The following MLLT10 variants were observed in gnomAD, a reference collection of about 807,000 sequenced individuals.
MLLT10 encodes the protein protein AF-10.
In MLLT10, 30 loss-of-function variants were observed where a neutral mutation model predicts 129.1. The ratio of observed to expected loss-of-function variants is 0.23; its 90% CI spans 0.17 to 0.32. The LOEUF is 0.32. Among genes scored for constraint, MLLT10 ranks in the 10% least tolerant of loss-of-function variants. MLLT10 has a pLI of 1.00. For missense variants in MLLT10, 1,119 were observed against 1,268.3 expected (o/e 0.88, Z 1.79); for synonymous variants, 490 against 446.4 (o/e 1.10, Z -1.23).
At chr10:21,713,081 G>T (rs2056248866) in intron 13 of MLLT10, among the ~76,000 whole-genome samples, 1 of 152,042 alleles carries the variant, frequency 6.6e-6, no homozygotes, top group African/African-American at 2.4e-5. Context: ...TTCACCTCCT[G>T]TGTTCTCTGG....
chr10:21,639,307 A>T (rs1407872449), intron 8 of MLLT10, among the ~76,000 whole-genome samples: 1 of 152,166 alleles, frequency 6.6e-6, no homozygotes, highest in Non-Finnish European at 1.5e-5. Flanking sequence ...AGATGGCATC[A>T]GATTACACAG....
At chr10:21,618,389 G>A (rs1257371595) in intron 8 of MLLT10, among the ~76,000 whole-genome samples, 2 of 151,716 alleles carry the variant, frequency 1.3e-5, no homozygotes, top group African/African-American at 4.8e-5. Flanking sequence ...TGTAATCCCA[G>A]CTACTCAGGA....
intron 9 of MLLT10, among the ~76,000 whole-genome samples, chr10:21,654,493 G>T (rs745399807): frequency 1.3e-5 from 2 of 152,088 alleles, no homozygotes; most frequent in Non-Finnish European, 2.9e-5. Flanking sequence ...TAGTTGTGAC[G>T]ATTTGAGGAG....
At chr10:21,574,538 A>G (rs1240822834) in intron 3 of MLLT10, among the ~76,000 whole-genome samples, 1 of 152,204 alleles carries the variant, frequency 6.6e-6, no homozygotes, top group Non-Finnish European at 1.5e-5. Flanking sequence ...AAGGAATAAA[A>G]GAATGGCTAC....
chr10:21,584,869 CGTGT>C (rs149130337), intron 3 of MLLT10, among the ~76,000 whole-genome samples: 40 of 148,440 alleles, frequency 2.7e-4, no homozygotes, highest in African/African-American at 7.7e-4. Context: ...TGTGTATGTA[CGTGT>C]GTGTGTGTGT....
intron 8 of MLLT10, among the ~76,000 whole-genome samples, chr10:21,645,392 T>C (rs1288230389): frequency 6.6e-6 from 1 of 152,244 alleles, no homozygotes; most frequent in East Asian, 1.9e-4. Flanking sequence ...GATCCATGTT[T>C]ACTTAAAATT....
chr10:21,733,591 A>G lies in MLLT10; in HGVS notation c.2495A>G (p.Gln832Arg). Residue 832 changes from glutamine to arginine, a missense_variant and splice_region_variant, in exon 19 of 23, where the codon CAG becomes CGG. Transcript: ENST00000307729. ...LPDNSLPVLNQDLTSSGQSTS... is the reference protein window; with the variant it reads ...LPDNSLPVLNRDLTSSGQSTS... The stretch of plus-strand genomic sequence containing the variant: ...GATAATTCTCTTCCTGTATTAAATC[A>G]GGTAATTTTTGTATGGTTATTTTCA... The G allele has an allele frequency of 6.5e-7, 1 of 1,549,156 alleles. No individual in the cohort carries two copies. Among genetic ancestry groups the G allele is most frequent in the South Asian group, 1.2e-5 (1 of 81,166 alleles).
chr10:21,685,821 A>G (rs1157594003), intron 13 of MLLT10, among the ~76,000 whole-genome samples: 2 of 152,248 alleles, frequency 1.3e-5, no homozygotes, highest in Non-Finnish European at 2.9e-5. Flanking sequence ...AAGAATATAT[A>G]TGGAACTTAT....
intron 13 of MLLT10, among the ~76,000 whole-genome samples, chr10:21,706,708 T>C (rs963657955): frequency 6.6e-6 from 1 of 152,250 alleles, no homozygotes; most frequent in African/African-American, 2.4e-5. Flanking sequence ...TTATTATTTC[T>C]GTCATTAGAC....
intron 9 of MLLT10, among the ~76,000 whole-genome samples, chr10:21,655,908 A>G (rs1165346892): frequency 6.6e-6 from 1 of 152,192 alleles, no homozygotes; most frequent in African/African-American, 2.4e-5. Context: ...GCACAGTGGA[A>G]GGCTTTCAGC....
chr10:21,729,217 A>C (rs538947968), intron 16 of MLLT10, among the ~76,000 whole-genome samples: 73 of 152,296 alleles, frequency 4.8e-4, no homozygotes, highest in African/African-American at 1.7e-3. Flanking sequence ...TTCAAAGAAG[A>C]AAGTTAATGT....
chr10:21,704,013 T>A (rs571555365), intron 13 of MLLT10, among the ~76,000 whole-genome samples: 1 of 124,100 alleles, frequency 8.1e-6, no homozygotes, highest in East Asian at 2.7e-4. Flanking sequence ...TCGATTGTTT[T>A]TTGTTTTTTT....
chr10:21,740,707 T>C (rs1426031634), intron 22 of MLLT10, among the ~76,000 whole-genome samples: 1 of 152,252 alleles, frequency 6.6e-6, no homozygotes, highest in Admixed American at 6.5e-5. Context: ...ACATCTGTAA[T>C]GGAATTCAAA....
chr10:21,563,969 C>T (rs369860450), intron 3 of MLLT10, among the ~76,000 whole-genome samples: 298 of 152,132 alleles, frequency 2.0e-3, no homozygotes, highest in Non-Finnish European at 3.1e-3. Context: ...CCTGCCACCA[C>T]GACTGGCTAA....
intron 8 of MLLT10, among the ~76,000 whole-genome samples, chr10:21,637,206 G>C (rs558382145): frequency 6.6e-6 from 1 of 152,254 alleles, no homozygotes; most frequent in Non-Finnish European, 1.5e-5. Flanking sequence ...GAGGCCTGTG[G>C]GGTTCCAAAG....
At chr10:21,608,912 GTTCT>G (rs1213783262) in intron 5 of MLLT10, among the ~76,000 whole-genome samples, 1 of 151,986 alleles carries the variant, frequency 6.6e-6, no homozygotes, top group East Asian at 1.9e-4. Flanking sequence ...TCCTGTGTGT[GTTCT>G]TTATTTTTTA....
intron 7 of MLLT10, among the ~76,000 whole-genome samples, chr10:21,616,391 A>C (rs1363348038): frequency 6.6e-6 from 1 of 152,024 alleles, no homozygotes; most frequent in South Asian, 2.1e-4. Context: ...TTTGCATGGA[A>C]TTTGAACTTC....
At chr10:21,665,959 CAAA>C (rs1218534542) in intron 9 of MLLT10, among the ~76,000 whole-genome samples, 2 of 152,110 alleles carry the variant, frequency 1.3e-5, no homozygotes, top group Admixed American at 1.3e-4. Flanking sequence ...TGCCTGACTC[CAAA>C]AGTTCTGGAA....
At chr10:21,673,972 T>C (rs987891702) in intron 11 of MLLT10, 53 bp downstream of exon 11, 7 of 1,397,226 alleles carry the variant, frequency 5.0e-6, no homozygotes, top group South Asian at 1.5e-5. Context: ...ACCTCCCTTC[T>C]TCTGTCCCAA....
Sources: gnomAD v4.1 joint callset for allele counts (sites outside exome capture counted in the v4.1 genomes callset) on GRCh38, gnomAD v4.1.1 for gene constraint, MANE v1.5 for transcripts, NCBI Gene and HGNC (gene_info 2026-07-23, HGNC 2026-07-21) for gene names.